The following SPON2 variants were observed in gnomAD, a reference collection of about 807,000 sequenced individuals.
SPON2 encodes spondin 2.
In SPON2, 32 loss-of-function variants were observed where a neutral mutation model predicts 29.9. The observed-to-expected ratio is 1.07, with a 90% confidence interval of 0.81 to 1.44. The LOEUF (loss-of-function observed/expected upper bound fraction) is 1.44, where lower values mean the gene tolerates loss of function less well. Among genes scored for constraint, SPON2 ranks in the 40% most tolerant of loss-of-function variants. The pLI is 0.00. For synonymous variants in SPON2, 248 were observed against 209.1 expected (o/e 1.19, Z -1.61); for missense variants, 541 against 455.5 (o/e 1.19, Z -1.71).
chr4:1,170,720 C>T (rs13140868), intron 4 of SPON2, 144 bp from the exon 5 acceptor site: 134,719 of 1,110,086 alleles, frequency 0.12, 9,628 homozygotes, highest in Middle Eastern at 0.16. Flanking sequence ...CTCCTCTCAG[C>T]CATCCCACGG....
chr4:1,172,399 T>A, intron 1 of SPON2, 145 bp downstream of exon 1: 1 of 467,564 alleles, frequency 2.1e-6, no homozygotes, highest in Non-Finnish European at 3.9e-6. Context: ...CTTGGCCGAC[T>A]GGCTGCCCCC....
chr4:1,189,989 CA>C lies in SPON2; in HGVS notation c.-239+5000del, dbSNP rs34537590. Among the ~76,000 whole-genome samples, 242 of 93,868 alleles carry C rather than the reference CA, an allele frequency of 2.6e-3. 1 individual carries two copies. The highest frequency in any genetic ancestry group is 5.4e-3 in the East Asian group (20 of 3,714). 61.6% of individuals were successfully genotyped at this position (93,868 alleles called of 152,430 possible). A position where few individuals can be genotyped will look rare whatever the true frequency, so the allele number is the denominator to read the frequency against. The stretch of plus-strand genomic sequence containing the variant: ...TGGGTGACAGAGTGAGACTCCATCT[CA>C]AAAAAAAAAAAAAAAAAGTTGGTTT... On this transcript the variant is annotated intron_variant, in intron 1 of 3. Transcript: ENST00000502483.
upstream of SPON2, chr4:1,208,306 G>A (rs1490396546): frequency 6.6e-6 from 1 of 152,354 alleles, no homozygotes; most frequent in African/African-American, 2.4e-5. Flanking sequence ...CCAGCCTGGG[G>A]TGGGGCCCCG....
At chr4:1,208,319 G>T (rs549900755), upstream of SPON2, 1 of 152,440 alleles carries the variant, frequency 6.6e-6, no homozygotes, top group African/African-American at 2.4e-5. Flanking sequence ...GGGCCCCGAA[G>T]AGCCTGGCTC....
chr4:1,187,128 G>GTGCC (rs902228375), intron 1 of SPON2, among the ~76,000 whole-genome samples: 80 of 152,292 alleles, frequency 5.3e-4, no homozygotes, highest in African/African-American at 1.7e-3. Context: ...ATCAGTTCAA[G>GTGCC]TGCCTACCAA....
intron 1 of SPON2, among the ~76,000 whole-genome samples, chr4:1,192,186 G>A (rs1727927283): frequency 6.6e-6 from 1 of 152,204 alleles, no homozygotes; most frequent in Admixed American, 6.5e-5. Flanking sequence ...GTGGGATGGG[G>A]GTGACCTCAC....
intron 4 of SPON2, 39 bp downstream of exon 4, chr4:1,170,960 G>C: frequency 6.5e-7 from 1 of 1,545,136 alleles, no homozygotes; most frequent in Non-Finnish European, 8.7e-7. Context: ...CCACCGCGGG[G>C]GCCATAGCGG....
chr4:1,200,553 C>T (rs1014088562), intron 1 of SPON2: 3 of 332,386 alleles, frequency 9.0e-6, no homozygotes, highest in South Asian at 2.4e-5. Flanking sequence ...TGGCAGGGAA[C>T]GTGTAAACCA....
chr4:1,198,596 A>G (rs955796709), upstream of SPON2, among the ~76,000 whole-genome samples: 1 of 152,082 alleles, frequency 6.6e-6, no homozygotes, highest in African/African-American at 2.4e-5. Flanking sequence ...TACACAAGAG[A>G]ACAGCAAATA....
At chr4:1,188,560 C>G (rs920867094) in intron 1 of SPON2, among the ~76,000 whole-genome samples, 5 of 152,062 alleles carry the variant, frequency 3.3e-5, no homozygotes, top group African/African-American at 1.2e-4. Context: ...GACCTTCGGA[C>G]AAAAGTTGTT....
intron 1 of SPON2, among the ~76,000 whole-genome samples, chr4:1,189,751 G>A (rs1317743376): frequency 1.3e-5 from 2 of 151,874 alleles, no homozygotes; most frequent in African/African-American, 4.8e-5. Flanking sequence ...CACTTTGGGA[G>A]GCTGAGGCGG....
chr4:1,167,805 T>C (rs534005533), intron 5 of SPON2, 149 bp from the exon 6 acceptor site: 406 of 778,272 alleles, frequency 5.2e-4, no homozygotes, highest in Middle Eastern at 3.4e-3. Context: ...AGTCGCAGAG[T>C]GAGCGGCAAG....
Position 1,202,467 on chromosome 4 carries a change from C to G in SPON2, c.-234+5413G>C, listed in dbSNP as rs769930044. Among the ~76,000 whole-genome samples, 1 of 152,222 alleles carries G rather than the reference C, an allele frequency of 6.6e-6. No homozygotes were observed. The highest frequency in any genetic ancestry group is 2.4e-5 in the African/African-American group (1 of 41,462). On this transcript the variant is annotated intron_variant, in intron 1 of 3. Coordinates refer to the SPON2 transcript ENST00000509233. The surrounding 1 kb of genome is among the most constrained non-coding windows in gnomAD (Gnocchi z 5.4). ...ACAAAATCATATGAGTCAGCATTCT[C>G]TAGAGGGACAGGACTCATAGGATAC...
At chr4:1,201,080 G>A (rs773280150) in intron 1 of SPON2, 1 of 453,088 alleles carries the variant, frequency 2.2e-6, no homozygotes. Context: ...GGTTGGCCTG[G>A]GGCGCCCATG....
upstream of SPON2, among the ~76,000 whole-genome samples, chr4:1,173,972 G>A (rs943094432): frequency 2.0e-5 from 3 of 152,120 alleles, no homozygotes; most frequent in Non-Finnish European, 2.9e-5. Flanking sequence ...AGGCCGAGGC[G>A]GGAGGATCAC....
chr4:1,176,221 G>A (rs1488954826), upstream of SPON2, among the ~76,000 whole-genome samples: 1 of 152,050 alleles, frequency 6.6e-6, no homozygotes, highest in East Asian at 1.9e-4. Flanking sequence ...ACCCTCTTCT[G>A]TGAACCAGAA....
At chr4:1,206,802 G>A (rs932000853) in intron 1 of SPON2, among the ~76,000 whole-genome samples, 1 of 152,030 alleles carries the variant, frequency 6.6e-6, no homozygotes, top group Non-Finnish European at 1.5e-5. Flanking sequence ...CCCCAGGTGT[G>A]GGGTAGGTGT....
chr4:1,169,283 C>T (rs764916928), intron 5 of SPON2, among the ~76,000 whole-genome samples: 17 of 152,094 alleles, frequency 1.1e-4, no homozygotes, highest in Non-Finnish European at 2.1e-4. Context: ...AGTGCTGGCA[C>T]GTCTGCCTGT....
intron 1 of SPON2, among the ~76,000 whole-genome samples, chr4:1,185,096 C>A (rs1160275693): frequency 6.6e-6 from 1 of 151,626 alleles, no homozygotes; most frequent in Non-Finnish European, 1.5e-5. Flanking sequence ...TTTCTTTTGA[C>A]ACAATCTCAC....
Sources: gnomAD v4.1 joint callset for allele counts (sites outside exome capture counted in the v4.1 genomes callset) on GRCh38, gnomAD v4.1.1 for gene constraint, Gnocchi (gnomAD v3.1) non-coding constraint, MANE v1.5 for transcripts, NCBI Gene and HGNC (gene_info 2026-07-23, HGNC 2026-07-21) for gene names.